Variants in ANO3 observed in about 807,000 individuals in gnomAD.
ANO3 encodes the protein anoctamin-3.
A neutral mutation model predicts 144.8 loss-of-function variants in ANO3; 99 were observed. The ratio of observed to expected loss-of-function variants is 0.68; its 90% CI spans 0.58 to 0.81. The LOEUF (loss-of-function observed/expected upper bound fraction) is 0.81, where lower values mean the gene tolerates loss of function less well. ANO3 is among the 30% of genes least tolerant of loss of function. ANO3 has a pLI of 0.00. For synonymous variants in ANO3, 414 were observed against 392.6 expected (o/e 1.05, Z -0.64); for missense variants, 905 against 1,202.2 (o/e 0.75, Z 3.66).
chr11:26,303,744 G>T (rs1854291809), intron 1 of ANO3, among the ~76,000 whole-genome samples: 1 of 152,094 alleles, frequency 6.6e-6, no homozygotes, highest in African/African-American at 2.4e-5. Context: ...TTTTTAGATG[G>T]AGTCTAGCAC....
intron 14 of ANO3, among the ~76,000 whole-genome samples, chr11:26,569,577 T>C (rs11823109): frequency 0.11 from 17,001 of 152,000 alleles, 1,036 homozygotes; most frequent in African/African-American, 0.17. Context: ...TCCAGGAGAT[T>C]TGGCCGAAGT....
intron 26 of ANO3, among the ~76,000 whole-genome samples, chr11:26,657,665 A>G (rs1462970331): frequency 2.2e-5 from 3 of 134,208 alleles, no homozygotes; most frequent in Non-Finnish European, 5.2e-5. Flanking sequence ...TTACTTGCAC[A>G]TGTGTTTGTT....
At chr11:26,453,272 G>T (rs1565034030) in intron 3 of ANO3, among the ~76,000 whole-genome samples, 1 of 151,574 alleles carries the variant, frequency 6.6e-6, no homozygotes, top group East Asian at 1.9e-4. Context: ...CCAATTAAAA[G>T]ACACAGACTG....
chr11:26,463,847 T>C (rs922755270), intron 4 of ANO3, among the ~76,000 whole-genome samples: 8 of 151,914 alleles, frequency 5.3e-5, no homozygotes, highest in African/African-American at 1.9e-4. Flanking sequence ...AACTGATCCA[T>C]ATTTCCCTTT....
chr11:26,296,989 C>A (rs1169121825), intron 1 of ANO3, among the ~76,000 whole-genome samples: 2 of 151,992 alleles, frequency 1.3e-5, no homozygotes, highest in Non-Finnish European at 2.9e-5. Context: ...ACTTGAGTAC[C>A]TCTAGAGACA....
intron 1 of ANO3, among the ~76,000 whole-genome samples, chr11:26,407,053 T>C (rs1365928096): frequency 1.3e-5 from 1 of 75,534 alleles, no homozygotes. Context: ...TATGGGTGTG[T>C]GTGTGTGTGT....
chr11:26,211,237 C>A (rs1851926388), intron 1 of ANO3, among the ~76,000 whole-genome samples: 1 of 152,096 alleles, frequency 6.6e-6, no homozygotes, highest in South Asian at 2.1e-4. Flanking sequence ...GGAAATTGAA[C>A]AACATGCTCC....
chr11:26,356,652 T>G (rs1424011856), intron 1 of ANO3, among the ~76,000 whole-genome samples: 1 of 152,230 alleles, frequency 6.6e-6, no homozygotes, highest in African/African-American at 2.4e-5. Context: ...TACCACAAAT[T>G]AGTGAATTAA....
At chr11:26,554,429 T>C (rs61877020) in intron 13 of ANO3, among the ~76,000 whole-genome samples, 4,345 of 152,264 alleles carry the variant, frequency 0.029, 100 homozygotes, top group Non-Finnish European at 0.047. Flanking sequence ...CTGTCATTTC[T>C]CTTGGGTAAT....
intron 1 of ANO3, among the ~76,000 whole-genome samples, chr11:26,396,407 C>A (rs1424978554): frequency 2.6e-5 from 4 of 152,050 alleles, no homozygotes. Context: ...GGATCTAGAA[C>A]CAGAAATAAC....
chr11:26,194,213 G>A (rs1389496179), intron 1 of ANO3, among the ~76,000 whole-genome samples: 1 of 152,072 alleles, frequency 6.6e-6, no homozygotes, highest in Non-Finnish European at 1.5e-5. Flanking sequence ...GAGGCAAATT[G>A]CAAAATCCTA....
intron 1 of ANO3, among the ~76,000 whole-genome samples, chr11:26,254,741 G>A (rs1034874180): frequency 6.6e-6 from 1 of 152,128 alleles, no homozygotes; most frequent in Non-Finnish European, 1.5e-5. Flanking sequence ...TAAAAACCAT[G>A]TCTAAATAGC....
chr11:26,385,824 T>TAC (rs71047847), intron 1 of ANO3, among the ~76,000 whole-genome samples: 7,145 of 137,926 alleles, frequency 0.052, 205 homozygotes, highest in African/African-American at 0.064. Context: ...TTCACACACA[T>TAC]ACACACACAC....
intron 5 of ANO3, among the ~76,000 whole-genome samples, chr11:26,513,369 C>T (rs1028856536): frequency 6.6e-6 from 1 of 152,142 alleles, no homozygotes; most frequent in Non-Finnish European, 1.5e-5. Flanking sequence ...GAAAGTACTG[C>T]AGGAGTCCCA....
intron 4 of ANO3, among the ~76,000 whole-genome samples, chr11:26,480,890 TA>T (rs1020510476): frequency 9.2e-5 from 14 of 152,148 alleles, no homozygotes; most frequent in African/African-American, 3.4e-4. Flanking sequence ...CCCCTGGAGT[TA>T]GAACACATGA....
chr11:26,465,290 A>AGAT (rs938953882), intron 4 of ANO3, among the ~76,000 whole-genome samples: 1 of 151,338 alleles, frequency 6.6e-6, no homozygotes, highest in Non-Finnish European at 1.5e-5. Flanking sequence ...ATAGATAGAT[A>AGAT]GATAGATAGA....
rs776262937 is a variant in ANO3, at chr11:26,531,238, G to A, written c.771G>A (p.Trp257Ter). The A allele has an allele frequency of 6.2e-7, 1 of 1,613,878 alleles. No individual in the cohort carries two copies. Among genetic ancestry groups the A allele is most frequent in the Non-Finnish European group, 8.5e-7 (1 of 1,179,958 alleles). ...MQTYFRRIKN[W>*]MAQNPMVLDK... ...CTTATTTTAGAAGAATCAAAAACTG[G>A]ATGGCCCAAAACCCAATGGTTCTTG... Residue 257 changes from tryptophan (W) to a stop codon, truncating the protein, a stop_gained, in exon 8 of 27, where the codon TGG becomes TGA. Coordinates refer to ENST00000256737, the MANE Select transcript of ANO3 (RefSeq NM_031418.4). LOFTEE classifies it high-confidence loss of function.
intron 4 of ANO3, among the ~76,000 whole-genome samples, chr11:26,498,633 T>C (rs1861065269): frequency 6.6e-6 from 1 of 151,276 alleles, no homozygotes; most frequent in African/African-American, 2.4e-5. Context: ...ATATCCAACA[T>C]TGAGCTTTAC....
intron 1 of ANO3, chr11:26,288,104 CT>C (rs1303193123): frequency 3.3e-5 from 5 of 152,798 alleles, no homozygotes; most frequent in African/African-American, 1.2e-4. Flanking sequence ...CATAATAACA[CT>C]CCTTCCTCTG....
Sources: gnomAD v4.1 joint callset for allele counts (sites outside exome capture counted in the v4.1 genomes callset) on GRCh38, gnomAD v4.1.1 for gene constraint, MANE v1.5 for transcripts, NCBI Gene and HGNC (gene_info 2026-07-23, HGNC 2026-07-21) for gene names.